ENOX1: variants seen among roughly 807,000 people sequenced by gnomAD.
ENOX1 encodes the protein candidate growth-related and time keeping constitutive hydroquinone (NADH) oxidase.
Under a neutral mutation model 82.5 loss-of-function variants are expected in ENOX1, and 42 were observed. The observed-to-expected ratio is 0.51, with a 90% CI of 0.40 to 0.66. ENOX1 has a LOEUF of 0.66. Ranked by LOEUF, ENOX1 falls within the 30% of genes least tolerant of loss-of-function variation. The pLI, the probability that ENOX1 is intolerant of heterozygous loss-of-function variation, is 0.00. For synonymous variants in ENOX1, 271 were observed against 282.2 expected (o/e 0.96, Z 0.40); for missense variants, 608 against 811.6 (o/e 0.75, Z 3.05).
chr13:43,635,887 A>G (rs2083395276), intron 2 of ENOX1, among the ~76,000 whole-genome samples: 1 of 152,162 alleles, frequency 6.6e-6, no homozygotes, highest in South Asian at 2.1e-4. Flanking sequence ...AGATGCAGAA[A>G]GGGGGCCAGC....
At chr13:43,266,344 GT>G (rs1364681470) in intron 13 of ENOX1, among the ~76,000 whole-genome samples, 9 of 152,126 alleles carry the variant, frequency 5.9e-5, no homozygotes, top group Non-Finnish European at 1.3e-4. Context: ...CCACCAATGT[GT>G]TTGATTCATA....
At chr13:43,723,680 C>G (rs1270789916) in intron 1 of ENOX1, among the ~76,000 whole-genome samples, 1 of 152,040 alleles carries the variant, frequency 6.6e-6, no homozygotes, top group East Asian at 1.9e-4. Flanking sequence ...TTATATCACA[C>G]TATAAATGGG....
At chr13:43,608,040 C>T (rs988073986) in intron 2 of ENOX1, among the ~76,000 whole-genome samples, 19 of 152,166 alleles carry the variant, frequency 1.2e-4, no homozygotes, top group Admixed American at 8.5e-4. Context: ...GGGAATCATT[C>T]CATCATGTGA....
At chr13:43,508,635 G>A (rs2077260496) in intron 2 of ENOX1, among the ~76,000 whole-genome samples, 1 of 151,800 alleles carries the variant, frequency 6.6e-6, no homozygotes, top group Non-Finnish European at 1.5e-5. Flanking sequence ...AAAATAGGAG[G>A]GTATTTTAGC....
intron 1 of ENOX1, among the ~76,000 whole-genome samples, chr13:43,766,352 C>T (rs1951263067): frequency 6.6e-6 from 1 of 152,150 alleles, no homozygotes; most frequent in Non-Finnish European, 1.5e-5. Flanking sequence ...CTCTAAAGAC[C>T]TACGTTCTTT....
intron 5 of ENOX1, among the ~76,000 whole-genome samples, chr13:43,390,411 T>G (rs1243037602): frequency 2.0e-5 from 3 of 152,166 alleles, no homozygotes; most frequent in African/African-American, 7.2e-5. Context: ...TGCAAAAATT[T>G]AGTAAGTTTA....
chr13:43,334,640 G>A (rs2048596734), intron 9 of ENOX1, among the ~76,000 whole-genome samples: 1 of 152,138 alleles, frequency 6.6e-6, no homozygotes, highest in African/African-American at 2.4e-5. Context: ...TGGAGGTTAT[G>A]ATGGAGCAGG....
chr13:43,472,688 GTAGGC>G (rs2058120446), intron 3 of ENOX1, among the ~76,000 whole-genome samples: 1 of 152,164 alleles, frequency 6.6e-6, no homozygotes, highest in South Asian at 2.1e-4. Context: ...ATTCACCTTT[GTAGGC>G]TACCTTTAAT....
chr13:43,428,343 A>T (rs897060995), intron 3 of ENOX1, among the ~76,000 whole-genome samples: 2 of 152,198 alleles, frequency 1.3e-5, no homozygotes, highest in South Asian at 2.1e-4. Context: ...GTCCAAATAT[A>T]TATATTGAGG....
intron 1 of ENOX1, among the ~76,000 whole-genome samples, chr13:43,780,317 C>T (rs554653388): frequency 7.4e-6 from 1 of 135,048 alleles, no homozygotes; most frequent in Non-Finnish European, 1.6e-5. Flanking sequence ...GTTCCCTGGA[C>T]AAAAAAAAAA....
At chr13:43,684,255 A>G (rs2085952224) in intron 1 of ENOX1, among the ~76,000 whole-genome samples, 1 of 152,172 alleles carries the variant, frequency 6.6e-6, no homozygotes, top group Admixed American at 6.6e-5. Context: ...TGATATTTTA[A>G]TAACTGGTAA....
At chr13:43,575,012 T>C (rs1438511360) in intron 2 of ENOX1, among the ~76,000 whole-genome samples, 1 of 152,190 alleles carries the variant, frequency 6.6e-6, no homozygotes, top group Non-Finnish European at 1.5e-5. Flanking sequence ...CACATTCTGC[T>C]TAGGAGCTTA....
At chr13:43,437,913 T>G (rs1349409324) in intron 3 of ENOX1, among the ~76,000 whole-genome samples, 1 of 152,142 alleles carries the variant, frequency 6.6e-6, no homozygotes, top group Non-Finnish European at 1.5e-5. Context: ...CAATTAACTT[T>G]GAAGGTAATT....
At chr13:43,422,127 T>TAA in intron 3 of ENOX1, among the ~76,000 whole-genome samples, 1 of 151,320 alleles carries the variant, frequency 6.6e-6, no homozygotes, top group Non-Finnish European at 1.5e-5. Flanking sequence ...GAATGACAAT[T>TAA]AAAAAAAAAT....
intron 2 of ENOX1, among the ~76,000 whole-genome samples, chr13:43,565,754 T>A (rs2079889764): frequency 6.6e-6 from 1 of 152,108 alleles, no homozygotes; most frequent in South Asian, 2.1e-4. Context: ...AATCCAAGGG[T>A]GAGCTATGTA....
At chr13:43,229,035 GAATCAT>G (rs1490161457) in intron 15 of ENOX1, among the ~76,000 whole-genome samples, 1 of 152,144 alleles carries the variant, frequency 6.6e-6, no homozygotes, top group Non-Finnish European at 1.5e-5. Context: ...GGAGATAACT[GAATCAT>G]AGGGGCAGTT....
intron 12 of ENOX1, 29 bp downstream of exon 12, chr13:43,298,315 CAA>C (rs35698699): frequency 6.2e-4 from 877 of 1,408,262 alleles, no homozygotes; most frequent in South Asian, 2.4e-3. Context: ...CTCTTTCTCT[CAA>C]AAAAAAAAAA....
intron 3 of ENOX1, among the ~76,000 whole-genome samples, chr13:43,466,036 A>G (rs964659646): frequency 2.6e-5 from 4 of 152,198 alleles, no homozygotes; most frequent in Non-Finnish European, 4.4e-5. Context: ...CAGGAAGACT[A>G]TAATTCTCAT....
intron 1 of ENOX1, among the ~76,000 whole-genome samples, chr13:43,765,613 G>A (rs563736247): frequency 3.9e-5 from 6 of 152,258 alleles, no homozygotes; most frequent in Admixed American, 6.5e-5. Context: ...CCAGGGCAGG[G>A]ACATGTCATC....
Sources: allele counts gnomAD v4.1 joint callset (sites outside exome capture counted in the v4.1 genomes callset), GRCh38; gene constraint gnomAD v4.1.1; transcripts MANE v1.5; gene names NCBI Gene and HGNC (gene_info 2026-07-23, HGNC 2026-07-21).